Variants in NOS1AP observed in about 807,000 individuals in gnomAD.
NOS1AP encodes the protein carboxyl-terminal PDZ ligand of neuronal nitric oxide synthase protein.
A neutral mutation model predicts 56.2 loss-of-function variants in NOS1AP; 21 were observed. That is an observed-to-expected ratio of 0.37 (90% CI 0.26 to 0.54). The LOEUF (loss-of-function observed/expected upper bound fraction) is 0.54, where lower values mean the gene tolerates loss of function less well. Ranked by LOEUF, NOS1AP falls within the 20% of genes least tolerant of loss-of-function variation. The pLI, the probability that NOS1AP is intolerant of heterozygous loss-of-function variation, is 0.84. For synonymous variants in NOS1AP, 270 were observed against 274.6 expected (o/e 0.98, Z 0.17); for missense variants, 522 against 657.8 (o/e 0.79, Z 2.26).
chr1:162,133,974 C>G (rs779982497), intron 1 of NOS1AP, among the ~76,000 whole-genome samples: 1 of 152,110 alleles, frequency 6.6e-6, no homozygotes, highest in African/African-American at 2.4e-5. Flanking sequence ...GTGAGATAAG[C>G]TAACTGGGGA....
chr1:162,210,037 A>AT (rs1652294415), intron 2 of NOS1AP, among the ~76,000 whole-genome samples: 1 of 152,112 alleles, frequency 6.6e-6, no homozygotes, highest in Non-Finnish European at 1.5e-5. Flanking sequence ...AAATGTATAT[A>AT]TTTTTGTTAA....
intron 2 of NOS1AP, among the ~76,000 whole-genome samples, chr1:162,155,543 A>G (rs1571073172): frequency 6.6e-6 from 1 of 151,882 alleles, no homozygotes; most frequent in Admixed American, 6.6e-5. Flanking sequence ...TATTGGTTGG[A>G]TGCCGTAGGC....
At chr1:162,276,799 T>C (rs2101725255) in intron 2 of NOS1AP, among the ~76,000 whole-genome samples, 1 of 152,358 alleles carries the variant, frequency 6.6e-6, no homozygotes, top group South Asian at 2.1e-4. Flanking sequence ...ACTGTATTTA[T>C]ATCATTTATG....
At chr1:162,234,801 A>G (rs1429386208) in intron 2 of NOS1AP, among the ~76,000 whole-genome samples, 4 of 151,630 alleles carry the variant, frequency 2.6e-5, no homozygotes, top group Non-Finnish European at 4.4e-5. Flanking sequence ...CCTCACTCCC[A>G]CTCCCATGTG....
At chr1:162,113,389 G>A (rs569691988) in intron 1 of NOS1AP, among the ~76,000 whole-genome samples, 1 of 152,258 alleles carries the variant, frequency 6.6e-6, no homozygotes, top group South Asian at 2.1e-4. Flanking sequence ...ATGTGTTGTC[G>A]GGCAAAGGCT....
intron 6 of NOS1AP, among the ~76,000 whole-genome samples, chr1:162,349,469 G>T (rs1271119391): frequency 6.6e-6 from 1 of 152,184 alleles, no homozygotes; most frequent in Non-Finnish European, 1.5e-5. Flanking sequence ...GCCACTGAGG[G>T]TTTGGGTTCC....
chr1:162,172,880 T>C (rs1650862373), intron 2 of NOS1AP, among the ~76,000 whole-genome samples: 1 of 152,062 alleles, frequency 6.6e-6, no homozygotes, highest in African/African-American at 2.4e-5. Context: ...TGCCTGCTAG[T>C]TGAGTGTTAT....
chr1:162,359,229 A>G (rs1207665115), intron 8 of NOS1AP, among the ~76,000 whole-genome samples: 1 of 152,108 alleles, frequency 6.6e-6, no homozygotes, highest in Non-Finnish European at 1.5e-5. Flanking sequence ...TTGACTCTCA[A>G]TACAAGCAGT....
chr1:162,341,776 G>A (rs1657115133), intron 5 of NOS1AP, among the ~76,000 whole-genome samples: 2 of 152,176 alleles, frequency 1.3e-5, no homozygotes, highest in Admixed American at 6.5e-5. Flanking sequence ...TAACAGTTTC[G>A]GATGTAGGAG....
intron 1 of NOS1AP, among the ~76,000 whole-genome samples, chr1:162,094,611 C>A (rs945332510): frequency 6.6e-6 from 1 of 152,200 alleles, no homozygotes; most frequent in Non-Finnish European, 1.5e-5. Flanking sequence ...CTGAACCTGG[C>A]TGGGAAGTGG....
At chr1:162,161,157 C>A (rs1267371406) in intron 2 of NOS1AP, among the ~76,000 whole-genome samples, 1 of 152,204 alleles carries the variant, frequency 6.6e-6, no homozygotes, top group African/African-American at 2.4e-5. Context: ...ATTCTTCCTT[C>A]CCCAGTAATC....
intron 2 of NOS1AP, among the ~76,000 whole-genome samples, chr1:162,182,173 A>G (rs550185420): frequency 7.9e-5 from 12 of 152,202 alleles, no homozygotes; most frequent in Non-Finnish European, 1.3e-4. Context: ...GATTATTACA[A>G]TAATTGTTAC....
intron 4 of NOS1AP, among the ~76,000 whole-genome samples, chr1:162,313,322 T>A (rs1483677603): frequency 6.6e-6 from 1 of 152,194 alleles, no homozygotes; most frequent in Non-Finnish European, 1.5e-5. Flanking sequence ...AGTGAAGAGT[T>A]TTATAAAGGA....
intron 2 of NOS1AP, among the ~76,000 whole-genome samples, chr1:162,225,085 C>G (rs572952498): frequency 6.6e-6 from 1 of 152,170 alleles, no homozygotes; most frequent in East Asian, 1.9e-4. Flanking sequence ...TTTTCACCAC[C>G]CCACATACTT....
chr1:162,364,101 T>C (rs1297094597), intron 8 of NOS1AP: 1 of 985,244 alleles, frequency 1.0e-6, no homozygotes, highest in Non-Finnish European at 1.2e-6. Context: ...TGCCCTTTAC[T>C]CCCTAAAAAA....
chr1:162,113,202 G>A (rs1233208039), intron 1 of NOS1AP, among the ~76,000 whole-genome samples: 1 of 152,160 alleles, frequency 6.6e-6, no homozygotes, highest in African/African-American at 2.4e-5. Context: ...GGCAGGAGGT[G>A]GAGCATGAGT....
At chr1:162,118,111 CT>C (rs1242194371) in intron 1 of NOS1AP, among the ~76,000 whole-genome samples, 1 of 152,182 alleles carries the variant, frequency 6.6e-6, no homozygotes, top group Non-Finnish European at 1.5e-5. Context: ...CTAATTTCAA[CT>C]TTTTTATAGA....
In NOS1AP at chr1:162,070,751, T is replaced by G. The variant is rs74744535; in HGVS notation, c.105+469T>G. Reference sequence around the variant, plus strand: ...TAATTGAAGAAAAGAATCCAGATTTTTTTTTTTTAAACTCCAGGTAACCGG... The same window carrying G: ...TAATTGAAGAAAAGAATCCAGATTTGTTTTTTTTAAACTCCAGGTAACCGG... On this transcript the variant is annotated intron_variant, in intron 1 of 9. Coordinates refer to ENST00000361897, the MANE Select transcript of NOS1AP (RefSeq NM_014697.3). Among the ~76,000 whole-genome samples, 658 of 152,276 alleles carry G rather than the reference T, an allele frequency of 4.3e-3. 5 individuals are homozygous for G. The highest frequency in any genetic ancestry group is 0.015 in the African/African-American group (605 of 41,532).
At chr1:162,126,957 C>T (rs1648516178) in intron 1 of NOS1AP, among the ~76,000 whole-genome samples, 1 of 152,118 alleles carries the variant, frequency 6.6e-6, no homozygotes, top group Non-Finnish European at 1.5e-5. Flanking sequence ...TATTGTCAAA[C>T]TTGGATTTTT....
Sources: allele counts gnomAD v4.1 joint callset (sites outside exome capture counted in the v4.1 genomes callset), GRCh38; gene constraint gnomAD v4.1.1; transcripts MANE v1.5; gene names NCBI Gene and HGNC (gene_info 2026-07-23, HGNC 2026-07-21).